JARID2: variants seen among roughly 807,000 people sequenced by gnomAD.
JARID2 encodes jumonji and AT-rich interaction domain containing 2, also known as protein Jumonji.
In JARID2, 21 loss-of-function variants were observed where a neutral mutation model predicts 125.6. The observed-to-expected ratio is 0.17, with a 90% CI of 0.12 to 0.24. The LOEUF (loss-of-function observed/expected upper bound fraction) is 0.24. Among genes scored for constraint, JARID2 ranks in the 10% least tolerant of loss-of-function variants. The pLI, the probability that JARID2 is intolerant of heterozygous loss-of-function variation, is 1.00. For missense variants in JARID2, 1,303 were observed against 1,639.6 expected (o/e 0.79, Z 3.55); for synonymous variants, 736 against 661.6 (o/e 1.11, Z -1.73).
At chr6:15,387,297 C>G (rs948704592) in intron 2 of JARID2, among the ~76,000 whole-genome samples, 2 of 152,154 alleles carry the variant, frequency 1.3e-5, no homozygotes, top group African/African-American at 4.8e-5. Flanking sequence ...TGGTGAAAGT[C>G]TGTATATTAG....
chr6:15,322,115 G>T (rs999063366), intron 1 of JARID2, among the ~76,000 whole-genome samples: 4 of 152,188 alleles, frequency 2.6e-5, no homozygotes, highest in African/African-American at 9.6e-5. Context: ...GTGTCTAGTG[G>T]TTAATGGGAG....
chr6:15,469,434 TTTCC>T (rs1223763090), intron 5 of JARID2, among the ~76,000 whole-genome samples: 4 of 123,072 alleles, frequency 3.3e-5, no homozygotes, highest in Non-Finnish European at 6.7e-5. Context: ...TTTTCCTTTC[TTTCC>T]TTTCTTTCTT....
intron 1 of JARID2, among the ~76,000 whole-genome samples, chr6:15,253,466 TC>T (rs140312382): frequency 0.077 from 11,650 of 152,224 alleles, 465 homozygotes; most frequent in Admixed American, 0.12. Context: ...TTCCAGGACT[TC>T]CTGTTCCTGT....
Position 15,293,440 on chromosome 6 carries a change from C to T in JARID2, c.45+46856C>T, listed in dbSNP as rs186788309. On this transcript the variant is annotated intron_variant, in intron 1 of 17. Transcript: ENST00000341776. ...AACAAAAACCCAAAAAACCTGCTAGCTCTTTGAAGGGACAGATGAAGGAAT... is the reference window on the plus strand; with the variant it reads ...AACAAAAACCCAAAAAACCTGCTAGTTCTTTGAAGGGACAGATGAAGGAAT... 1.1e-3 allele frequency among the ~76,000 whole-genome samples: 174 copies of T among 152,280 alleles called. 2 individuals carry two copies. The highest frequency in any genetic ancestry group is 3.3e-3 in the Admixed American group (50 of 15,304).
At chr6:15,295,868 G>A (rs1352831654) in intron 1 of JARID2, among the ~76,000 whole-genome samples, 7 of 151,910 alleles carry the variant, frequency 4.6e-5, no homozygotes, top group African/African-American at 1.5e-4. Flanking sequence ...TCACCATATT[G>A]GCCAGGCTGG....
intron 1 of JARID2, among the ~76,000 whole-genome samples, chr6:15,373,442 G>C (rs1581470933): frequency 1.3e-5 from 2 of 152,308 alleles, no homozygotes; most frequent in South Asian, 4.2e-4. Flanking sequence ...CAGACATGAG[G>C]TTGCCAGTTT....
intron 1 of JARID2, among the ~76,000 whole-genome samples, chr6:15,307,628 C>T (rs1761880798): frequency 6.6e-6 from 1 of 152,098 alleles, no homozygotes; most frequent in Non-Finnish European, 1.5e-5. Flanking sequence ...TGTGATTTAG[C>T]TGCCTCATTT....
At chr6:15,316,499 T>C (rs1374729621) in intron 1 of JARID2, among the ~76,000 whole-genome samples, 1 of 152,174 alleles carries the variant, frequency 6.6e-6, no homozygotes, top group African/African-American at 2.4e-5. Flanking sequence ...GTAGTCCTTA[T>C]GCTTGTGCTG....
chr6:15,513,622 G>T (rs1344308118), intron 16 of JARID2, among the ~76,000 whole-genome samples, 200 bp downstream of exon 16: 1 of 152,218 alleles, frequency 6.6e-6, no homozygotes, highest in African/African-American at 2.4e-5. Flanking sequence ...GCCACACAGA[G>T]GCTGTCCCTC....
chr6:15,340,162 T>C (rs1182323759), intron 1 of JARID2, among the ~76,000 whole-genome samples: 1 of 152,164 alleles, frequency 6.6e-6, no homozygotes, highest in African/African-American at 2.4e-5. Flanking sequence ...CGGCCTCAGA[T>C]GCCATGTTCT....
chr6:15,335,501 AG>A (rs1762848423), intron 1 of JARID2, among the ~76,000 whole-genome samples: 1 of 152,058 alleles, frequency 6.6e-6, no homozygotes, highest in South Asian at 2.1e-4. Context: ...CACATTTGAC[AG>A]GTTTGACTGT....
At chr6:15,259,136 C>T (rs1239475108) in intron 1 of JARID2, among the ~76,000 whole-genome samples, 2 of 152,176 alleles carry the variant, frequency 1.3e-5, no homozygotes, top group East Asian at 3.9e-4. Context: ...CACAGTGTGA[C>T]TAAGAAGCAG....
rs117798738 is a variant in JARID2, at chr6:15,375,605, G to C, written c.181+1353G>C. ...GGGTCTCCAGCAGAGAGGGACCCTA[G>C]CCATTCGTTGCTTGTAATACAGTAA... On this transcript the variant is annotated intron_variant, in intron 2 of 17. Coordinates refer to ENST00000341776, the MANE Select transcript of JARID2 (RefSeq NM_004973.4). Among the ~76,000 whole-genome samples, 24 of 152,308 alleles carry C rather than the reference G, an allele frequency of 1.6e-4. No homozygotes were observed. The East Asian group carries it at 4.6e-3, about 29-fold the overall frequency.
intron 1 of JARID2, among the ~76,000 whole-genome samples, chr6:15,271,251 C>T (rs1371090399): frequency 6.6e-6 from 1 of 152,070 alleles, no homozygotes; most frequent in Non-Finnish European, 1.5e-5. Flanking sequence ...GGCTTGAGGC[C>T]AGTGGGTTCT....
At chr6:15,300,488 T>G (rs1454619503) in intron 1 of JARID2, among the ~76,000 whole-genome samples, 3 of 152,144 alleles carry the variant, frequency 2.0e-5, no homozygotes, top group Non-Finnish European at 2.9e-5. Flanking sequence ...GTGAGCTCAT[T>G]CAGAGTAATA....
At chr6:15,443,942 A>G (rs1234659902) in intron 3 of JARID2, among the ~76,000 whole-genome samples, 2 of 152,232 alleles carry the variant, frequency 1.3e-5, no homozygotes, top group African/African-American at 4.8e-5. Context: ...TCAACTAACA[A>G]AAGATTTCTT....
chr6:15,408,055 GGAGTTT>G (rs1368821330), intron 2 of JARID2, among the ~76,000 whole-genome samples: 1 of 152,096 alleles, frequency 6.6e-6, no homozygotes, highest in Non-Finnish European at 1.5e-5. Context: ...CTTGAGCCCA[GGAGTTT>G]GAGATCAGCC....
chr6:15,488,043 GGTGGCACCTCTTCCACT>G (rs1213690106), intron 6 of JARID2, among the ~76,000 whole-genome samples: 1 of 152,140 alleles, frequency 6.6e-6, no homozygotes, highest in Non-Finnish European at 1.5e-5. Flanking sequence ...GGTGTGGCTG[GGTGGCACCTCTTCCACT>G]GAAGGCATTT....
At chr6:15,360,843 C>G (rs1348598490) in intron 1 of JARID2, among the ~76,000 whole-genome samples, 3 of 151,936 alleles carry the variant, frequency 2.0e-5, no homozygotes, top group Non-Finnish European at 4.4e-5. Flanking sequence ...CCCAAAGGCT[C>G]TGAAAACCTT....
Sources: gnomAD v4.1 joint callset for allele counts (sites outside exome capture counted in the v4.1 genomes callset) on GRCh38, gnomAD v4.1.1 for gene constraint, MANE v1.5 for transcripts, NCBI Gene and HGNC (gene_info 2026-07-23, HGNC 2026-07-21) for gene names.